Variants in FAT3 observed in about 807,000 individuals in gnomAD.
FAT3 encodes the protein protocadherin Fat 3.
FAT3 carries 95 observed loss-of-function variants against 310.2 expected under a neutral mutation model. The ratio of observed to expected loss-of-function variants is 0.31; its 90% CI spans 0.26 to 0.36. The LOEUF (loss-of-function observed/expected upper bound fraction) is 0.36, where lower values mean the gene tolerates loss of function less well. FAT3 is among the 10% of genes least tolerant of loss of function. The pLI, the probability that FAT3 is intolerant of heterozygous loss-of-function variation, is 1.00. For synonymous variants in FAT3, 2,314 were observed against 2,192.9 expected (o/e 1.06, Z -1.54); for missense variants, 5,408 against 5,715.6 (o/e 0.95, Z 1.74).
chr11:92,375,297 C>G (rs575270532), intron 2 of FAT3, among the ~76,000 whole-genome samples: 95 of 152,062 alleles, frequency 6.2e-4, no homozygotes, highest in African/African-American at 2.1e-3. Context: ...CCACCCTCAA[C>G]TAATTTATTT....
intron 1 of FAT3, among the ~76,000 whole-genome samples, chr11:92,305,689 A>G (rs1297090459): frequency 2.0e-5 from 3 of 152,262 alleles, no homozygotes; most frequent in Non-Finnish European, 4.4e-5. Flanking sequence ...CACACCACAA[A>G]CTAATAGTGA....
chr11:92,895,437 T>G lies in FAT3; in HGVS notation c.*4324T>G, dbSNP rs1950009351. 1 of 152,208 alleles carries G rather than the reference T, an allele frequency of 6.6e-6. No individual in the cohort carries two copies. Among genetic ancestry groups the G allele is most frequent in the Non-Finnish European group, 1.5e-5 (1 of 68,040 alleles). 9.4% of individuals were successfully genotyped at this position (152,208 alleles called of 1,614,324 possible). On this transcript the variant is annotated 3_prime_UTR_variant, in exon 28 of 28. Transcript: ENST00000525166. ...GAAAAGAATATGATATTTCTTTCCT[T>G]ATGTAATAATGAAAAGCAATAATTA...
At chr11:92,422,811 C>A (rs754080697) in intron 2 of FAT3, among the ~76,000 whole-genome samples, 4 of 151,996 alleles carry the variant, frequency 2.6e-5, no homozygotes, top group African/African-American at 4.8e-5. Flanking sequence ...GAAGACTTTG[C>A]CTTGTATTGT....
intron 13 of FAT3, among the ~76,000 whole-genome samples, chr11:92,815,845 A>G (rs1296520713): frequency 1.3e-5 from 2 of 152,186 alleles, no homozygotes; most frequent in African/African-American, 4.8e-5. Flanking sequence ...AGGAATAAAG[A>G]CATGTTTGCT....
intron 2 of FAT3, among the ~76,000 whole-genome samples, chr11:92,478,958 T>TTTC (rs762531307): frequency 0.064 from 7,240 of 112,986 alleles, 504 homozygotes; most frequent in Non-Finnish European, 0.095. Context: ...CTTTCTTTTC[T>TTTC]TTTCTTTTCT....
chr11:92,576,450 C>T (rs1166042110), intron 3 of FAT3, among the ~76,000 whole-genome samples: 16 of 152,098 alleles, frequency 1.1e-4, no homozygotes, highest in South Asian at 2.1e-4. Context: ...TTCTGTGTTA[C>T]GGATCGTGTT....
At chr11:92,560,397 TA>T (rs1955180156) in intron 3 of FAT3, among the ~76,000 whole-genome samples, 1 of 152,218 alleles carries the variant, frequency 6.6e-6, no homozygotes, top group Non-Finnish European at 1.5e-5. Flanking sequence ...ACTTTCTTGA[TA>T]GGGGCATTTG....
chr11:92,645,782 T>C (rs1942140159), intron 3 of FAT3, among the ~76,000 whole-genome samples: 1 of 152,236 alleles, frequency 6.6e-6, no homozygotes, highest in Non-Finnish European at 1.5e-5. Context: ...ACATTATTTG[T>C]TTTCATGTTC....
Position 92,896,089 on chromosome 11 carries a change from G to A in FAT3, c.*4976G>A, listed in dbSNP as rs1591874193. The stretch of plus-strand genomic sequence containing the variant: ...TGTAAAAAAGAATGTGTTTTGCCCA[G>A]TTATTAAGTATTTTATTTTTATGCA... On this transcript the variant is annotated 3_prime_UTR_variant, in exon 28 of 28. Transcript: ENST00000525166. 1.3e-5 allele frequency: 2 copies of A among 152,188 alleles called. No individual in the cohort carries two copies. The highest frequency in any genetic ancestry group is 3.9e-4 in the East Asian group (2 of 5,180). The allele number at this position is 152,188 out of a possible 1,614,324, so 9.4% of individuals were successfully genotyped here. A position where few individuals can be genotyped will look rare whatever the true frequency, so the allele number is the denominator to read the frequency against.
chr11:92,621,168 G>T (rs780392421), intron 3 of FAT3, among the ~76,000 whole-genome samples: 26 of 152,092 alleles, frequency 1.7e-4, no homozygotes, highest in Non-Finnish European at 3.7e-4. Flanking sequence ...CTTAAATTTT[G>T]ATTCCAAAAT....
At chr11:92,469,422 A>G (rs1951853814) in intron 2 of FAT3, among the ~76,000 whole-genome samples, 1 of 152,184 alleles carries the variant, frequency 6.6e-6, no homozygotes. Flanking sequence ...TCACAGCTAC[A>G]TTAAGATATT....
intron 13 of FAT3, among the ~76,000 whole-genome samples, chr11:92,828,483 G>A (rs1404431814): frequency 6.6e-6 from 1 of 152,014 alleles, no homozygotes; most frequent in South Asian, 2.1e-4. Flanking sequence ...CCCCTTTCTG[G>A]TTATGCTTCC....
At chr11:92,395,360 C>G (rs1949844575) in intron 2 of FAT3, among the ~76,000 whole-genome samples, 1 of 152,086 alleles carries the variant, frequency 6.6e-6, no homozygotes. Flanking sequence ...CCTATCAGGT[C>G]TCTTCTGTAC....
intron 3 of FAT3, among the ~76,000 whole-genome samples, chr11:92,595,100 T>G (rs968216274): frequency 2.6e-5 from 4 of 152,074 alleles, no homozygotes; most frequent in Non-Finnish European, 5.9e-5. Flanking sequence ...CATGCCTTAT[T>G]TTTCACTACC....
At chr11:92,286,754 G>A (rs1311550239) in intron 1 of FAT3, among the ~76,000 whole-genome samples, 2 of 152,120 alleles carry the variant, frequency 1.3e-5, no homozygotes, top group African/African-American at 4.8e-5. Flanking sequence ...TGCTATTAAC[G>A]CTTGTGGCAT....
chr11:92,663,496 G>A (rs890187711), intron 3 of FAT3, among the ~76,000 whole-genome samples: 1 of 152,124 alleles, frequency 6.6e-6, no homozygotes, highest in Non-Finnish European at 1.5e-5. Flanking sequence ...AATAGCAACT[G>A]CCTCTTGAGC....
At chr11:92,735,636 G>T (rs1334702853) in intron 4 of FAT3, among the ~76,000 whole-genome samples, 1 of 151,868 alleles carries the variant, frequency 6.6e-6, no homozygotes, top group Non-Finnish European at 1.5e-5. Context: ...CTATTTGCAT[G>T]AACATGTTAA....
chr11:92,773,613 A>T (rs1485792571), intron 6 of FAT3, among the ~76,000 whole-genome samples: 1 of 152,170 alleles, frequency 6.6e-6, no homozygotes, highest in East Asian at 1.9e-4. Context: ...CCTGGAATAG[A>T]TTTTAAATGT....
intron 2 of FAT3, among the ~76,000 whole-genome samples, chr11:92,357,340 G>T (rs1369550020): frequency 6.6e-6 from 1 of 152,136 alleles, no homozygotes; most frequent in East Asian, 1.9e-4. Context: ...ACTTAGCTTT[G>T]TGTAACTGCA....
Sources: allele counts gnomAD v4.1 joint callset (sites outside exome capture counted in the v4.1 genomes callset), GRCh38; gene constraint gnomAD v4.1.1; transcripts MANE v1.5; gene names NCBI Gene and HGNC (gene_info 2026-07-23, HGNC 2026-07-21).